TTF2: variants seen among roughly 807,000 people sequenced by gnomAD.
TTF2 encodes the protein RNA polymerase II termination factor.
Under a neutral mutation model 142.4 loss-of-function variants are expected in TTF2, and 108 were observed. The ratio of observed to expected loss-of-function variants is 0.76; its 90% CI spans 0.65 to 0.89. The LOEUF is 0.89. TTF2 is among the 40% of genes least tolerant of loss of function. The probability of loss-of-function intolerance (pLI) is 0.00; values close to 1 mark genes in which losing one functional copy is unlikely to be tolerated. For synonymous variants in TTF2, 483 were observed against 506.2 expected, an observed-to-expected ratio of 0.95 and a Z score of 0.61; for missense variants, 1,327 against 1,379.8, an observed-to-expected ratio of 0.96 and a Z score of 0.61.
chr1:117,076,615 C>A lies in TTF2; in HGVS notation c.1391-26C>A. ...TTCACTTAGTTTGCTGAACTTTAAT[C>A]TGCTCTTCCCTTGTTTTCTGAGCAG... is the stretch of plus-strand genomic sequence containing the variant. On this transcript the variant is annotated intron_variant, in intron 6 of 22. Transcript: ENST00000369466. The surrounding 1 kb of genome is among the most constrained non-coding windows in gnomAD (Gnocchi z 4.6). The A allele has an allele frequency of 6.3e-7, 1 of 1,583,814 alleles. No individual in the cohort carries two copies. The highest frequency in any genetic ancestry group is 8.6e-7 in the Non-Finnish European group (1 of 1,163,216).
intron 11 of TTF2, among the ~76,000 whole-genome samples, chr1:117,084,598 T>C: frequency 6.6e-6 from 1 of 152,232 alleles, no homozygotes; most frequent in East Asian, 1.9e-4. Flanking sequence ...TATGACTTTT[T>C]AATATATGAA....
chr1:117,093,460 C>T lies in TTF2; in HGVS notation c.2976+559C>T, dbSNP rs187374566. On this transcript the variant is annotated intron_variant, in intron 18 of 22. Transcript: ENST00000369466. The surrounding 1 kb of genome is among the most constrained non-coding windows in gnomAD (Gnocchi z 4.5). ...CCTGAATCCTGCCTGTCTGCTGGCT[C>T]GGAATGTGCTTCATCATCCTGCCTG... Among the ~76,000 whole-genome samples, 117 of 152,250 alleles carry T rather than the reference C, an allele frequency of 7.7e-4. 1 individual carries two copies. Among genetic ancestry groups the T allele is most frequent in the Non-Finnish European group, 2.4e-4 (16 of 68,024 alleles).
chr1:117,088,486 G>T (rs1422813871), intron 12 of TTF2, among the ~76,000 whole-genome samples: 1 of 151,926 alleles, frequency 6.6e-6, no homozygotes, highest in Admixed American at 6.5e-5. Context: ...GCAGTGAGCC[G>T]AGATCTCGCC....
In TTF2 at chr1:117,088,923, T is replaced by C. The variant is rs550033670; in HGVS notation, c.2283T>C (p.Arg761=). 3.1e-6 allele frequency: 5 copies of C among 1,613,686 alleles called. No individual in the cohort carries two copies. Among genetic ancestry groups the C allele is most frequent in the African/African-American group, 2.7e-5 (2 of 74,914 alleles). Reference sequence around the variant, plus strand: ...TGTGTAAGCTACAAGCCTGTGCCCGTTGGGCTGTCACTGGAACCCCCATTC... The same window carrying C: ...TGTGTAAGCTACAAGCCTGTGCCCGCTGGGCTGTCACTGGAACCCCCATTC... ...IAVCKLQACA[R]WAVTGTPIQN... Residue 761 remains arginine, a synonymous_variant, in exon 13 of 23, where the codon CGT becomes CGC. Transcript: ENST00000369466.
intron 7 of TTF2, 62 bp from the exon 8 acceptor site, chr1:117,077,854 C>A: frequency 6.2e-7 from 1 of 1,601,694 alleles, no homozygotes; most frequent in Non-Finnish European, 8.5e-7. Flanking sequence ...GCTAAGTTCA[C>A]TCTAAAGGGA....
In TTF2 at chr1:117,101,739, T is replaced by C. The variant is rs768576270; in HGVS notation, c.*215T>C. ...TAACCAATTATGTTAATAATTTATT[T>C]AATGAGTGGTATGGAAACCAATTGA... On this transcript the variant is annotated 3_prime_UTR_variant, in exon 23 of 23. Coordinates refer to ENST00000369466, the MANE Select transcript of TTF2 (RefSeq NM_003594.4). The surrounding 1 kb of genome is among the most constrained non-coding windows in gnomAD (Gnocchi z 5.9). The C allele has an allele frequency of 1.8e-4, 73 of 413,230 alleles. No homozygotes were observed. The highest frequency in any genetic ancestry group is 2.8e-4 in the Non-Finnish European group (67 of 239,816). The allele number at this position is 413,230 out of a possible 1,614,324, so 25.6% of individuals were successfully genotyped here.
chr1:117,079,724 T>C lies in TTF2; in HGVS notation c.1783+75T>C. ...TGCTAAACACGTAGTGTTGTTTCAT[T>C]TATTCCTCTCAAGAACTCTATGAGG... On this transcript the variant is annotated intron_variant, in intron 9 of 22. Transcript: ENST00000369466. The surrounding 1 kb of genome is among the most constrained non-coding windows in gnomAD (Gnocchi z 4.2). The C allele has an allele frequency of 2.8e-6, 4 of 1,405,582 alleles. No individual in the cohort carries two copies. The South Asian group carries it at 4.6e-5, about 16-fold the overall frequency. The allele number at this position is 1,405,582 out of a possible 1,614,324, so 87.1% of individuals were successfully genotyped here.
chr1:117,062,429 A>G lies in TTF2; in HGVS notation c.174A>G (p.Val58=). 6.2e-7 allele frequency: 1 copy of G among 1,613,188 alleles called. No individual in the cohort carries two copies. The highest frequency in any genetic ancestry group is 1.3e-5 in the African/African-American group (1 of 74,778). The change falls in exon 3 of 23, where the codon GTA becomes GTG. Residue 58 remains valine, a synonymous_variant. Transcript: ENST00000369466. The part of the protein sequence containing the change: ...SHCLLHEDFV[V]ELQGLLLPQD... ...GCTTATTGCATGAGGACTTTGTGGT[A>G]GAGCTTCAGGGTTTGCTTCTGCCAC...
chr1:117,062,502 T>A, intron 3 of TTF2, 29 bp downstream of exon 3: 1 of 1,564,014 alleles, frequency 6.4e-7, no homozygotes, highest in East Asian at 2.2e-5. Flanking sequence ...CATCTAAGTG[T>A]ATTTGCTTTT....
rs1656888171 is a variant in TTF2 at position 117,075,155 on chromosome 1, G to C, written c.571G>C (p.Val191Leu). ...GLVPKKKQSV[V>L]QEKKQEEGAE... ...GGTACCAAAGAAAAAACAATCTGTA[G>C]TTCAAGAGAAGAAGCAAGAAGAGGG... Residue 191 changes from valine to leucine, a missense_variant, in exon 5 of 23, where the codon GTT becomes CTT. Coordinates refer to ENST00000369466, the MANE Select transcript of TTF2 (RefSeq NM_003594.4). The surrounding 1 kb of genome is among the most constrained non-coding windows in gnomAD (Gnocchi z 4.5). 6.2e-7 allele frequency: 1 copy of C among 1,614,158 alleles called. No homozygotes were observed. The highest frequency in any genetic ancestry group is 8.5e-7 in the Non-Finnish European group (1 of 1,180,036).
rs75894492 is a variant in TTF2, at chr1:117,086,177, T to C, written c.2055-240T>C. Among the ~76,000 whole-genome samples the C allele has an allele frequency of 2.5e-3, 380 of 152,200 alleles. 4 individuals carry two copies. The highest frequency in any genetic ancestry group is 8.8e-3 in the African/African-American group (366 of 41,520). ...GGTAAGAGGGAGGCTGTGGTAGCTA[T>C]AGTGAGCAGACGGTAAATGATCAGA... On this transcript the variant is annotated intron_variant, in intron 11 of 22. Transcript: ENST00000369466. The surrounding 1 kb of genome is among the most constrained non-coding windows in gnomAD (Gnocchi z 4.2).
rs377097315 is a variant in TTF2, at chr1:117,075,723, C to T, written c.1139C>T (p.Thr380Met). ...TTTGACTCGACTCTGGACTTAGAGA[C>T]GAAGGAAAACCTCCAATTCCCTGAT... The part of the protein sequence containing the change: ...LLFDSTLDLE[T>M]KENLQFPDRS... Residue 380 changes from threonine to methionine, a missense_variant, in exon 5 of 23, where the codon ACG (threonine) becomes ATG (methionine). Transcript: ENST00000369466. The surrounding 1 kb of genome is among the most constrained non-coding windows in gnomAD (Gnocchi z 4.5). 19 of 1,614,026 alleles carry T rather than the reference C, an allele frequency of 1.2e-5. No homozygotes were observed. The highest frequency in any genetic ancestry group is 3.3e-5 in the South Asian group (3 of 91,090).
At chr1:117,081,684 C>G in intron 9 of TTF2, 144 bp from the exon 10 acceptor site, 2 of 935,644 alleles carry the variant, frequency 2.1e-6, no homozygotes, top group African/African-American at 1.7e-5. Context: ...GATAAAGGAG[C>G]CATTAAGGTA....
chr1:117,082,998 T>A (rs780895864), intron 10 of TTF2, among the ~76,000 whole-genome samples: 7 of 151,954 alleles, frequency 4.6e-5, no homozygotes, highest in Admixed American at 6.6e-5. Context: ...ATCCCAGCAC[T>A]TTGGGAGGCT....
rs1163450251 is a variant in TTF2 at position 117,073,918 on chromosome 1, T to C, written c.285+191T>C. ...AAGGATCATTTAGTCGTAATCAAGA[T>C]TAATTATTTGCATCCTATTTCACTT... On this transcript the variant is annotated intron_variant, in intron 4 of 22. Transcript: ENST00000369466. The surrounding 1 kb of genome is among the most constrained non-coding windows in gnomAD (Gnocchi z 4.4). 6.6e-6 allele frequency among the ~76,000 whole-genome samples: 1 copy of C among 152,234 alleles called. No individual in the cohort carries two copies. The highest frequency in any genetic ancestry group is 1.5e-5 in the Non-Finnish European group (1 of 68,040).
In TTF2 at chr1:117,075,314, A is replaced by G. The variant is rs768543358; in HGVS notation, c.730A>G (p.Ser244Gly). 1.9e-6 allele frequency: 3 copies of G among 1,614,106 alleles called. No homozygotes were observed. Among genetic ancestry groups the G allele is most frequent in the East Asian group, 4.5e-5 (2 of 44,900 alleles). Residue 244 changes from serine to glycine, a missense_variant, in exon 5 of 23, where the codon AGT becomes GGT. Ser to Gly is a moderately conservative substitution (Grantham distance 56). Coordinates refer to ENST00000369466, the MANE Select transcript of TTF2 (RefSeq NM_003594.4). This position sits in a 1 kb window ranked among gnomAD's most constrained non-coding sequence, Gnocchi z 4.5. ...TTCTCAGGAGAAATCAAGTGGTAAG[A>G]GTCAAGATGTCCAAAGAGAATCAGA... ...ASSQEKSSGK[S>G]QDVQRESEPL...
Position 117,090,857 on chromosome 1 carries a change from C to A in TTF2, c.2588+234C>A, listed in dbSNP as rs1055850586. Among the ~76,000 whole-genome samples the A allele has an allele frequency of 6.6e-6, 1 of 152,066 alleles. No individual in the cohort carries two copies. The highest frequency in any genetic ancestry group is 2.4e-5 in the African/African-American group (1 of 41,374). ...AACCTACTCTTCATTGGCTTCCTTG[C>A]ATAGAAGTCATAGGGTGTGGTCACC... is the stretch of plus-strand genomic sequence containing the variant. On this transcript the variant is annotated intron_variant, in intron 15 of 22. Coordinates refer to ENST00000369466, the MANE Select transcript of TTF2 (RefSeq NM_003594.4). The surrounding 1 kb of genome is among the most constrained non-coding windows in gnomAD (Gnocchi z 4.8).
chr1:117,094,716 T>A (rs1057363329), intron 18 of TTF2: 3 of 453,442 alleles, frequency 6.6e-6, no homozygotes, highest in Non-Finnish European at 4.5e-6. Context: ...AACAGAGAAG[T>A]TACTTTCCTA....
At chr1:117,096,537 T>C (rs1027429795) in intron 20 of TTF2, among the ~76,000 whole-genome samples, 2 of 152,146 alleles carry the variant, frequency 1.3e-5, no homozygotes, top group Non-Finnish European at 2.9e-5. Context: ...GCCACCAAGC[T>C]TGGCTAATTT....
Sources: allele counts gnomAD v4.1 joint callset (sites outside exome capture counted in the v4.1 genomes callset), GRCh38; gene constraint gnomAD v4.1.1; non-coding constraint Gnocchi (gnomAD v3.1); transcripts MANE v1.5; gene names NCBI Gene and HGNC (gene_info 2026-07-23, HGNC 2026-07-21).